Variants in RFX3 observed in about 807,000 individuals in gnomAD.
RFX3 encodes transcription factor RFX3.
RFX3 carries 14 observed loss-of-function variants against 98.6 expected under a neutral mutation model. That is an observed-to-expected ratio of 0.14 (90% CI 0.09 to 0.22). The LOEUF (loss-of-function observed/expected upper bound fraction) is 0.22. Among genes scored for constraint, RFX3 ranks in the 10% least tolerant of loss-of-function variants. The pLI, the probability that RFX3 is intolerant of heterozygous loss-of-function variation, is 1.00. For synonymous variants in RFX3, 383 were observed against 328.4 expected (o/e 1.17, Z -1.80); for missense variants, 639 against 926.9 (o/e 0.69, Z 4.03).
At chr9:3,377,994 T>C (rs956081985) in intron 2 of RFX3, among the ~76,000 whole-genome samples, 2 of 152,156 alleles carry the variant, frequency 1.3e-5, no homozygotes, top group Admixed American at 6.5e-5. Context: ...TTACAAAACA[T>C]ACAAAAATAG....
chr9:3,339,403 C>G (rs1833601929), intron 3 of RFX3, among the ~76,000 whole-genome samples: 1 of 149,370 alleles, frequency 6.7e-6, no homozygotes, highest in African/African-American at 2.6e-5. Flanking sequence ...ACCGAGTAAC[C>G]ACACACATGT....
At chr9:3,288,610 TA>T (rs1348090741) in intron 6 of RFX3, among the ~76,000 whole-genome samples, 1 of 152,072 alleles carries the variant, frequency 6.6e-6, no homozygotes, top group African/African-American at 2.4e-5. Flanking sequence ...TTTTGGCCAG[TA>T]AAAATTAGTT....
At chr9:3,404,930 C>G (rs1224241544) in intron 1 of RFX3, among the ~76,000 whole-genome samples, 1 of 152,148 alleles carries the variant, frequency 6.6e-6, no homozygotes, top group Admixed American at 6.6e-5. Flanking sequence ...ACTGCTGACA[C>G]TTTGTTATTT....
At chr9:3,278,098 A>G (rs1451242553) in intron 7 of RFX3, among the ~76,000 whole-genome samples, 1 of 151,976 alleles carries the variant, frequency 6.6e-6, no homozygotes, top group East Asian at 1.9e-4. Flanking sequence ...AAAGTCAGTT[A>G]AAGTTATGTA....
At chr9:3,402,466 G>A (rs1030124651) in intron 1 of RFX3, among the ~76,000 whole-genome samples, 2 of 151,918 alleles carry the variant, frequency 1.3e-5, no homozygotes, top group Admixed American at 1.3e-4. Context: ...AATGGGTATA[G>A]TAAAAATAAA....
At chr9:3,297,120 C>A (rs1459652064) in intron 5 of RFX3, among the ~76,000 whole-genome samples, 2 of 152,054 alleles carry the variant, frequency 1.3e-5, no homozygotes, top group African/African-American at 4.8e-5. Context: ...AAGTTAATGC[C>A]TGTTAAATAT....
intron 2 of RFX3, among the ~76,000 whole-genome samples, chr9:3,388,997 A>C (rs1460963014): frequency 1.3e-5 from 2 of 152,168 alleles, no homozygotes; most frequent in African/African-American, 4.8e-5. Flanking sequence ...TAAAACTGAA[A>C]AACTTAAAAG....
chr9:3,492,445 G>A (rs1345266553), intron 1 of RFX3, among the ~76,000 whole-genome samples: 1 of 152,190 alleles, frequency 6.6e-6, no homozygotes. Flanking sequence ...TGGGAGGCAA[G>A]AAGTCTGCAC....
chr9:3,255,321 A>T (rs967345595), intron 14 of RFX3, among the ~76,000 whole-genome samples: 1 of 152,330 alleles, frequency 6.6e-6, no homozygotes, highest in East Asian at 1.9e-4. Flanking sequence ...TGAGTTCACA[A>T]GTACTATTAG....
intron 4 of RFX3, among the ~76,000 whole-genome samples, chr9:3,319,722 T>G (rs1412130681): frequency 6.6e-6 from 1 of 152,158 alleles, no homozygotes; most frequent in Non-Finnish European, 1.5e-5. Flanking sequence ...TATTTTTGCC[T>G]TACAGGATTA....
chr9:3,394,842 T>C, intron 2 of RFX3: 1 of 985,362 alleles, frequency 1.0e-6, no homozygotes, highest in Non-Finnish European at 1.2e-6. Flanking sequence ...ATGAACAGCA[T>C]TACTTTGTCA....
intron 1 of RFX3, among the ~76,000 whole-genome samples, chr9:3,397,585 G>C (rs1841022803): frequency 6.6e-6 from 1 of 152,158 alleles, no homozygotes; most frequent in African/African-American, 2.4e-5. Context: ...AAAACCCAGA[G>C]AGATTAAGAG....
At chr9:3,359,117 T>C (rs994232258) in intron 2 of RFX3, among the ~76,000 whole-genome samples, 1 of 151,474 alleles carries the variant, frequency 6.6e-6, no homozygotes, top group Non-Finnish European at 1.5e-5. Flanking sequence ...TTGGTGAAAG[T>C]AAGAAATGGA....
At chr9:3,365,525 T>C (rs1217238184) in intron 2 of RFX3, among the ~76,000 whole-genome samples, 1 of 152,190 alleles carries the variant, frequency 6.6e-6, no homozygotes, top group African/African-American at 2.4e-5. Context: ...TTACTATTCA[T>C]CTAAATCCCT....
chr9:3,523,132 C>T (rs1202714474), intron 1 of RFX3, among the ~76,000 whole-genome samples: 1 of 152,136 alleles, frequency 6.6e-6, no homozygotes, highest in Non-Finnish European at 1.5e-5. Flanking sequence ...CACACCAAAA[C>T]GACTGAGTTA....
At chr9:3,472,976 T>C (rs1463210533) in intron 1 of RFX3, among the ~76,000 whole-genome samples, 1 of 152,194 alleles carries the variant, frequency 6.6e-6, no homozygotes, top group Non-Finnish European at 1.5e-5. Context: ...TTTGTGAGAT[T>C]AGCAATGTGG....
At chr9:3,437,491 A>T (rs1845239774) in intron 1 of RFX3, among the ~76,000 whole-genome samples, 1 of 152,110 alleles carries the variant, frequency 6.6e-6, no homozygotes, top group South Asian at 2.1e-4. Context: ...GAGGTGCTTT[A>T]ACAAAAATCC....
At chr9:3,406,527 A>C (rs545385309) in intron 1 of RFX3, among the ~76,000 whole-genome samples, 6 of 151,898 alleles carry the variant, frequency 4.0e-5, no homozygotes, top group Non-Finnish European at 8.8e-5. Context: ...AAGACTATAA[A>C]CTCCATGAAT....
At chr9:3,466,172 T>C (rs1043604328) in intron 1 of RFX3, among the ~76,000 whole-genome samples, 5 of 152,360 alleles carry the variant, frequency 3.3e-5, no homozygotes, top group African/African-American at 4.8e-5. Flanking sequence ...AAAGAACTCA[T>C]GGCAATTTCA....
Sources: gnomAD v4.1 joint callset for allele counts (sites outside exome capture counted in the v4.1 genomes callset) on GRCh38, gnomAD v4.1.1 for gene constraint, MANE v1.5 for transcripts, NCBI Gene and HGNC (gene_info 2026-07-23, HGNC 2026-07-21) for gene names.